PTPRD: variants seen among roughly 807,000 people sequenced by gnomAD.
The protein encoded by PTPRD is protein tyrosine phosphatase receptor type D.
PTPRD carries 34 observed loss-of-function variants against 214.5 expected under a neutral mutation model. The observed-to-expected ratio is 0.16, with a 90% CI of 0.12 to 0.21. The LOEUF (loss-of-function observed/expected upper bound fraction) is 0.21, where lower values mean the gene tolerates loss of function less well. Among genes scored for constraint, PTPRD ranks in the 10% least tolerant of loss-of-function variants. The pLI, the probability that PTPRD is intolerant of heterozygous loss-of-function variation, is 1.00. For synonymous variants in PTPRD, 1,128 were observed against 845.7 expected (o/e 1.33, Z -5.79); for missense variants, 2,545 against 2,398.7 (o/e 1.06, Z -1.27).
intron 33 of PTPRD, among the ~76,000 whole-genome samples, chr9:8,457,307 T>C (rs1411741336): frequency 1.3e-5 from 2 of 152,116 alleles, no homozygotes; most frequent in African/African-American, 4.8e-5. Flanking sequence ...ATCTTATCTC[T>C]GGAATGTGTA....
intron 11 of PTPRD, among the ~76,000 whole-genome samples, chr9:8,944,832 T>C (rs1418352457): frequency 6.6e-6 from 1 of 152,058 alleles, no homozygotes; most frequent in African/African-American, 2.4e-5. Flanking sequence ...TAGTATTTGA[T>C]AGCACACCAG....
At chr9:9,295,431 T>G (rs1041894047) in intron 9 of PTPRD, among the ~76,000 whole-genome samples, 1 of 151,698 alleles carries the variant, frequency 6.6e-6, no homozygotes, top group Non-Finnish European at 1.5e-5. Context: ...CATTGTAACA[T>G]AAATATGCAG....
chr9:8,417,715 C>T (rs1025254331), intron 35 of PTPRD, among the ~76,000 whole-genome samples: 3 of 152,036 alleles, frequency 2.0e-5, no homozygotes, highest in African/African-American at 7.2e-5. Flanking sequence ...AGAGAGACAG[C>T]TACAAGATCA....
rs1312057571 is a variant in PTPRD at position 8,492,872 on chromosome 9, G to T, written c.2457C>A (p.Thr819=). ...GARSKPKLVS[T]TGAVPGKPRL... is the part of the protein sequence containing the mutation. ...CACAGACATGATTACCTGCCCCAGT[G>T]GTGGACACCAGTTTGGGCTTGCTGC... Residue 819 remains threonine (T), a synonymous_variant, in exon 27 of 46, where the codon ACC becomes ACA. Coordinates refer to ENST00000381196, the MANE Select transcript of PTPRD (RefSeq NM_002839.4). 2.5e-6 allele frequency: 4 copies of T among 1,612,894 alleles called. No individual in the cohort carries two copies. The East Asian group carries it at 8.9e-5, about 36-fold the overall frequency.
At position 8,465,597 on chromosome 9, in the gene PTPRD, G is replaced by C. The variant is rs1216219846; in HGVS notation, c.3583C>G (p.His1195Asp). Residue 1195 changes from histidine (H) to aspartate (D), a missense_variant, in exon 32 of 46, where the codon CAC (histidine) becomes GAC (aspartate). Transcript: ENST00000381196. ...EVELKPYIAA[H>D]FDVLPTEFTL... is the part of the protein sequence containing the mutation. Reference sequence around the variant, plus strand: ...AACTCAGTGGGAAGGACATCAAAGTGAGCGGCAATATATGGCTTTAATTCA... The same window carrying C: ...AACTCAGTGGGAAGGACATCAAAGTCAGCGGCAATATATGGCTTTAATTCA... The C allele has an allele frequency of 6.2e-7, 1 of 1,612,458 alleles. No homozygotes were observed. The highest frequency in any genetic ancestry group is 1.3e-5 in the African/African-American group (1 of 74,784).
At chr9:8,765,105 G>C (rs7031334) in intron 11 of PTPRD, among the ~76,000 whole-genome samples, 1 of 152,052 alleles carries the variant, frequency 6.6e-6, no homozygotes, top group Non-Finnish European at 1.5e-5. Flanking sequence ...AACGCCCTTT[G>C]AGCAGAAAGT....
intron 2 of PTPRD, among the ~76,000 whole-genome samples, chr9:10,360,960 G>A (rs1350109617): frequency 6.6e-6 from 1 of 152,002 alleles, no homozygotes; most frequent in Non-Finnish European, 1.5e-5. Context: ...AAATTAGCCG[G>A]GCGTGGTGCC....
At chr9:9,117,952 T>C (rs1387894905) in intron 10 of PTPRD, among the ~76,000 whole-genome samples, 1 of 152,178 alleles carries the variant, frequency 6.6e-6, no homozygotes, top group Non-Finnish European at 1.5e-5. Flanking sequence ...TGCTGTTTTT[T>C]TGGAAAAATA....
At chr9:9,825,384 GAGAGAGAGAGAC>G (rs1244125537) in intron 5 of PTPRD, among the ~76,000 whole-genome samples, 2 of 146,710 alleles carry the variant, frequency 1.4e-5, no homozygotes, top group African/African-American at 5.1e-5. Context: ...CAGAGAGACA[GAGAGAGAGAGAC>G]AGAGAGAGAA....
At chr9:8,533,051 T>C (rs1255772471) in intron 14 of PTPRD, among the ~76,000 whole-genome samples, 2 of 152,092 alleles carry the variant, frequency 1.3e-5, no homozygotes, top group Non-Finnish European at 2.9e-5. Context: ...ATGCCTTACA[T>C]ATCTGTGAAT....
At chr9:9,222,098 A>G (rs888028841) in intron 9 of PTPRD, among the ~76,000 whole-genome samples, 2 of 152,120 alleles carry the variant, frequency 1.3e-5, no homozygotes, top group Admixed American at 1.3e-4. Flanking sequence ...CACTGTAACA[A>G]TATTAATATT....
intron 14 of PTPRD, among the ~76,000 whole-genome samples, chr9:8,564,907 C>T (rs969700710): frequency 6.6e-6 from 1 of 152,004 alleles, no homozygotes; most frequent in African/African-American, 2.4e-5. Context: ...CCATGCTAGC[C>T]ACATTGTAAG....
At chr9:8,531,768 G>C (rs946852184) in intron 14 of PTPRD, among the ~76,000 whole-genome samples, 1 of 152,064 alleles carries the variant, frequency 6.6e-6, no homozygotes, top group African/African-American at 2.4e-5. Context: ...CCAATATTCA[G>C]TGCTGATCAG....
At chr9:10,128,905 A>G (rs530111259) in intron 3 of PTPRD, among the ~76,000 whole-genome samples, 1 of 152,316 alleles carries the variant, frequency 6.6e-6, no homozygotes, top group East Asian at 1.9e-4. Flanking sequence ...ATAGTCTTAT[A>G]TATTTAAACA....
At chr9:10,256,352 C>T (rs775911213) in intron 3 of PTPRD, among the ~76,000 whole-genome samples, 6 of 151,310 alleles carry the variant, frequency 4.0e-5, no homozygotes, top group Non-Finnish European at 7.4e-5. Flanking sequence ...GATAACAATG[C>T]CTTTCTCTGG....
In PTPRD at chr9:10,523,601, G is replaced by GTGTATATATATATATATATATATA. The variant is rs1459526758; in HGVS notation, c.-600+88796_-600+88797insTATATATATATATATATATATACA. On this transcript the variant is annotated intron_variant, in intron 2 of 45. Coordinates refer to ENST00000381196, the MANE Select transcript of PTPRD (RefSeq NM_002839.4). ...CAATATTTTTCAAGTATATTTATCT[G>GTGTATATATATATATATATATATA]TATATATATATATATATATATAGAC... Among the ~76,000 whole-genome samples, 4 of 64,352 alleles carry GTGTATATATATATATATATATATA rather than the reference G, an allele frequency of 6.2e-5. No homozygotes were observed. The South Asian group carries it at 2.3e-3, about 36-fold the overall frequency. The allele number at this position is 64,352 out of a possible 152,430, so 42.2% of individuals were successfully genotyped here.
intron 11 of PTPRD, among the ~76,000 whole-genome samples, chr9:8,973,203 C>T (rs965238666): frequency 2.0e-5 from 3 of 151,768 alleles, no homozygotes; most frequent in Admixed American, 2.0e-4. Context: ...TTTTTCAACC[C>T]ACTCCCTCCT....
At chr9:8,332,454 A>C (rs764825306) in intron 43 of PTPRD, among the ~76,000 whole-genome samples, 1 of 152,168 alleles carries the variant, frequency 6.6e-6, no homozygotes, top group Non-Finnish European at 1.5e-5. Context: ...TTAGCAAACA[A>C]ATGCCCTTTT....
chr9:9,247,452 T>C (rs183438859), intron 9 of PTPRD, among the ~76,000 whole-genome samples: 183 of 152,218 alleles, frequency 1.2e-3, no homozygotes, highest in African/African-American at 4.2e-3. Context: ...TATACATTTG[T>C]TATGCTTTTT....
Sources: gnomAD v4.1 joint callset for allele counts (sites outside exome capture counted in the v4.1 genomes callset) on GRCh38, gnomAD v4.1.1 for gene constraint, MANE v1.5 for transcripts, NCBI Gene and HGNC (gene_info 2026-07-23, HGNC 2026-07-21) for gene names.